TAS2R1: variants seen among roughly 807,000 people sequenced by gnomAD.
The protein encoded by TAS2R1 is taste receptor type 2 member 1.
For synonymous variants in TAS2R1, 141 were observed against 134.2 expected (o/e 1.05, Z -0.35); for missense variants, 370 against 353.4 (o/e 1.05, Z -0.38).
At chr5:9,681,995 T>C (rs1010429580) in intron 1 of TAS2R1, among the ~76,000 whole-genome samples, 1 of 152,214 alleles carries the variant, frequency 6.6e-6, no homozygotes, top group Non-Finnish European at 1.5e-5. Context: ...CCTTGCCAAG[T>C]TATGAAATCA....
At chr5:9,728,332 T>C in the TAS2R1 span, among the ~76,000 whole-genome samples, 1 of 152,236 alleles carries the variant, frequency 6.6e-6, no homozygotes, top group Non-Finnish European at 1.5e-5. Context: ...ACTGGTTTCA[T>C]AACAGACATT....
intron 1 of TAS2R1, among the ~76,000 whole-genome samples, chr5:9,683,062 G>A (rs887363413): frequency 6.6e-6 from 1 of 152,070 alleles, no homozygotes; most frequent in African/African-American, 2.4e-5. Context: ...AGGGCTCAGA[G>A]TATTGTTATT....
the TAS2R1 span, among the ~76,000 whole-genome samples, chr5:9,874,024 G>A: frequency 4.7e-5 from 7 of 150,044 alleles, no homozygotes; most frequent in African/African-American, 1.7e-4. Flanking sequence ...GGGAGGGAGG[G>A]AGGAAGAGAA....
At chr5:9,634,630 G>C (rs1278540275), upstream of TAS2R1, among the ~76,000 whole-genome samples, 1 of 152,066 alleles carries the variant, frequency 6.6e-6, no homozygotes, top group African/African-American at 2.4e-5. Flanking sequence ...TTTCAGCAGT[G>C]TTTTGTGTTT....
the TAS2R1 span, among the ~76,000 whole-genome samples, chr5:9,880,573 C>T: frequency 1.3e-5 from 2 of 152,210 alleles, no homozygotes; most frequent in East Asian, 3.9e-4. Context: ...GAATGCTCAG[C>T]AGCATCCCTA....
At chr5:9,750,249 C>G in the TAS2R1 span, among the ~76,000 whole-genome samples, 1 of 152,182 alleles carries the variant, frequency 6.6e-6, no homozygotes, top group Admixed American at 6.5e-5. Flanking sequence ...TCTCTGCATT[C>G]TTGTACTTGC....
upstream of TAS2R1, among the ~76,000 whole-genome samples, chr5:9,633,796 T>G (rs892922238): frequency 1.0e-4 from 15 of 150,536 alleles, no homozygotes; most frequent in South Asian, 2.1e-4. Flanking sequence ...GGATTATTGG[T>G]TTTTTTTTCT....
chr5:9,718,116 T>C, the TAS2R1 span, among the ~76,000 whole-genome samples: 10 of 151,048 alleles, frequency 6.6e-5, no homozygotes, highest in East Asian at 5.8e-4. Flanking sequence ...CACGCCACCA[T>C]GCCCAGCAAT....
chr5:9,755,585 T>A, the TAS2R1 span, among the ~76,000 whole-genome samples: 1 of 69,056 alleles, frequency 1.4e-5, no homozygotes, highest in African/African-American at 4.9e-5. Context: ...AGACTCCATC[T>A]CCAAAAAAAA....
intron 2 of TAS2R1, among the ~76,000 whole-genome samples, chr5:9,654,979 A>G (rs1000827970): frequency 2.0e-5 from 3 of 152,246 alleles, no homozygotes; most frequent in Non-Finnish European, 4.4e-5. Flanking sequence ...TTTATTTATA[A>G]TAGCCCAAAA....
At chr5:9,796,730 AAAAAAAAAAGAAAAG>A in the TAS2R1 span, among the ~76,000 whole-genome samples, 3 of 150,614 alleles carry the variant, frequency 2.0e-5, no homozygotes, top group South Asian at 6.7e-4. Flanking sequence ...GGAAAAAAAA[AAAAAAAAAAGAAAAG>A]AAAAAAAAAA....
chr5:9,681,614 A>T (rs1203539899), intron 1 of TAS2R1, among the ~76,000 whole-genome samples: 1 of 150,308 alleles, frequency 6.7e-6, no homozygotes, highest in East Asian at 1.9e-4. Context: ...ATTATCCTAG[A>T]TCTCTCTCAG....
At chr5:9,811,295 T>G in the TAS2R1 span, among the ~76,000 whole-genome samples, 1 of 152,138 alleles carries the variant, frequency 6.6e-6, no homozygotes, top group African/African-American at 2.4e-5. Context: ...AACAATGAGA[T>G]GTAAATCTCT....
the TAS2R1 span, among the ~76,000 whole-genome samples, chr5:9,809,711 TC>T: frequency 1.3e-5 from 2 of 152,158 alleles, no homozygotes; most frequent in Non-Finnish European, 2.9e-5. Context: ...AAATCCTTGA[TC>T]CAGTAATAAA....
At chr5:9,742,497 C>G in the TAS2R1 span, among the ~76,000 whole-genome samples, 2 of 152,264 alleles carry the variant, frequency 1.3e-5, no homozygotes, top group East Asian at 3.9e-4. Context: ...GAAGAAACAC[C>G]AAGTTTTTGT....
chr5:9,721,400 G>T, the TAS2R1 span, among the ~76,000 whole-genome samples: 1 of 152,190 alleles, frequency 6.6e-6, no homozygotes, highest in Non-Finnish European at 1.5e-5. Context: ...TCTCCCAAGG[G>T]TCAACTCTTC....
At chr5:9,769,978 A>C in the TAS2R1 span, among the ~76,000 whole-genome samples, 1 of 152,190 alleles carries the variant, frequency 6.6e-6, no homozygotes, top group African/African-American at 2.4e-5. Context: ...TTTACTCAAG[A>C]AATCTGTGCC....
At position 9,630,048 on chromosome 5, in the gene TAS2R1, T is replaced by A. The variant is rs576815055; in HGVS notation, c.-16A>T. The A allele has an allele frequency of 2.1e-5, 32 of 1,526,704 alleles. No homozygotes were observed. In the African/African-American group the frequency reaches 3.7e-4, roughly 18 times the overall value. 94.6% of individuals were successfully genotyped at this position (1,526,704 alleles called of 1,614,324 possible). A position where few individuals can be genotyped will look rare whatever the true frequency, so the allele number is the denominator to read the frequency against. On this transcript the variant is annotated 5_prime_UTR_variant, in exon 1 of 1. Transcript: ENST00000382492. ...ACTCTAGCATTTTAGGAATAAAAAA[T>A]TATTTACTTAAAAAATAATGAAGTT...
intron 2 of TAS2R1, among the ~76,000 whole-genome samples, chr5:9,659,083 G>C (rs1017716122): frequency 2.6e-5 from 4 of 152,304 alleles, no homozygotes; most frequent in Admixed American, 2.6e-4. Context: ...AAATCTGTCT[G>C]TTATTAATGA....
Sources: allele counts gnomAD v4.1 joint callset (sites outside exome capture counted in the v4.1 genomes callset), GRCh38; gene constraint gnomAD v4.1.1; transcripts MANE v1.5; gene names NCBI Gene and HGNC (gene_info 2026-07-23, HGNC 2026-07-21).